Variants in CNTN3 observed in about 807,000 individuals in gnomAD.
CNTN3 encodes contactin-3.
CNTN3 carries 60 observed loss-of-function variants against 119.1 expected under a neutral mutation model. The ratio of observed to expected loss-of-function variants is 0.50; its 90% CI spans 0.41 to 0.62. The LOEUF (loss-of-function observed/expected upper bound fraction) is 0.62, where lower values mean the gene tolerates loss of function less well. CNTN3 is among the 20% of genes least tolerant of loss of function. The pLI is 0.00. For missense variants in CNTN3, 1,101 were observed against 1,242.4 expected (o/e 0.89, Z 1.71); for synonymous variants, 450 against 438.7 (o/e 1.03, Z -0.32).
At chr3:74,330,085 G>A (rs908800703) in intron 13 of CNTN3, among the ~76,000 whole-genome samples, 1 of 152,172 alleles carries the variant, frequency 6.6e-6, no homozygotes, top group Non-Finnish European at 1.5e-5. Flanking sequence ...CCTGGGCCTA[G>A]TGCCTCATGC....
chr3:74,315,204 A>ACC (rs1412884230), intron 13 of CNTN3, among the ~76,000 whole-genome samples: 2 of 152,182 alleles, frequency 1.3e-5, no homozygotes, highest in Non-Finnish European at 2.9e-5. Context: ...AGGAAGAGGA[A>ACC]CCCTAAGTTC....
At chr3:74,421,450 T>C (rs1701615258) in intron 5 of CNTN3, among the ~76,000 whole-genome samples, 1 of 152,214 alleles carries the variant, frequency 6.6e-6, no homozygotes, top group African/African-American at 2.4e-5. Flanking sequence ...ATTACAGGCA[T>C]GAGCCATTGT....
intron 1 of CNTN3, among the ~76,000 whole-genome samples, chr3:74,548,556 C>T (rs973626010): frequency 2.6e-5 from 4 of 151,720 alleles, no homozygotes; most frequent in African/African-American, 9.7e-5. Flanking sequence ...TAATACATTG[C>T]TAAATTTTAA....
intron 11 of CNTN3, among the ~76,000 whole-genome samples, chr3:74,338,400 AT>A (rs869115654): frequency 3.3e-5 from 5 of 152,048 alleles, no homozygotes; most frequent in African/African-American, 9.7e-5. Flanking sequence ...ATGTGTGTAT[AT>A]ATATACATAT....
At chr3:74,341,591 T>C (rs898489683) in intron 11 of CNTN3, among the ~76,000 whole-genome samples, 3 of 152,148 alleles carry the variant, frequency 2.0e-5, no homozygotes, top group Non-Finnish European at 4.4e-5. Flanking sequence ...AGGTTAATTA[T>C]TTCACTTAAC....
chr3:74,395,382 C>T (rs1419959056), intron 5 of CNTN3, among the ~76,000 whole-genome samples: 4 of 150,620 alleles, frequency 2.7e-5, no homozygotes, highest in Middle Eastern at 3.4e-3. Flanking sequence ...CACACATACA[C>T]ACACACACAC....
At chr3:74,385,972 A>G (rs1704736068) in intron 5 of CNTN3, among the ~76,000 whole-genome samples, 1 of 152,206 alleles carries the variant, frequency 6.6e-6, no homozygotes, top group South Asian at 2.1e-4. Flanking sequence ...GATCTTGGCA[A>G]CTTGCACATA....
chr3:74,529,675 GA>G (rs962428588), intron 1 of CNTN3, among the ~76,000 whole-genome samples: 24 of 147,092 alleles, frequency 1.6e-4, no homozygotes, highest in East Asian at 8.0e-4. Context: ...ATTTTTAAAA[GA>G]AAAAAAAACA....
At chr3:74,567,665 C>A (rs149171040) in intron 1 of CNTN3, among the ~76,000 whole-genome samples, 4,448 of 152,122 alleles carry the variant, frequency 0.029, 91 homozygotes, top group Non-Finnish European at 0.042. Context: ...CTTGAGAAGA[C>A]AAAGAGTGGA....
intron 13 of CNTN3, among the ~76,000 whole-genome samples, chr3:74,315,834 G>A (rs574583013): frequency 6.6e-6 from 1 of 152,144 alleles, no homozygotes; most frequent in African/African-American, 2.4e-5. Context: ...AGACTTAAAT[G>A]TAAGACATGA....
At chr3:74,597,032 T>C (rs1306673932) in intron 1 of CNTN3, among the ~76,000 whole-genome samples, 1 of 152,028 alleles carries the variant, frequency 6.6e-6, no homozygotes, top group East Asian at 1.9e-4. Flanking sequence ...AGTAGGCAAT[T>C]TAAACACTCC....
chr3:74,346,010 T>A (rs1468942671), intron 11 of CNTN3, among the ~76,000 whole-genome samples: 4 of 152,228 alleles, frequency 2.6e-5, no homozygotes. Flanking sequence ...ACTGGCATAT[T>A]TTTTCTCCTC....
At chr3:74,538,163 A>T (rs1411409147) in intron 1 of CNTN3, among the ~76,000 whole-genome samples, 1 of 152,108 alleles carries the variant, frequency 6.6e-6, no homozygotes, top group Non-Finnish European at 1.5e-5. Flanking sequence ...ATCTGAGCTG[A>T]TGAGTTGCAT....
chr3:74,412,062 G>T (rs1701446865), intron 5 of CNTN3, among the ~76,000 whole-genome samples: 1 of 152,142 alleles, frequency 6.6e-6, no homozygotes, highest in South Asian at 2.1e-4. Context: ...ATAGAATTAG[G>T]TATAGTTCTG....
rs1702416232 is a variant in CNTN3 at position 74,299,789 on chromosome 3, T to G, written c.2166+79A>C. 2.6e-6 allele frequency: 3 copies of G among 1,160,268 alleles called. No homozygotes were observed. In the Admixed American group the frequency reaches 6.0e-5, roughly 23 times the overall value. The allele number at this position is 1,160,268 out of a possible 1,614,324, so 71.9% of individuals were successfully genotyped here. On this transcript the variant is annotated intron_variant, in intron 17 of 22. Coordinates refer to ENST00000263665, the MANE Select transcript of CNTN3 (RefSeq NM_020872.3). ...GCACTACCACCACCACCTGCACCAT[T>G]GGCACCACCACCTGGGAAGCCATAA... is the stretch of plus-strand genomic sequence containing the variant.
chr3:74,346,791 A>G (rs1466705685), intron 11 of CNTN3, among the ~76,000 whole-genome samples: 1 of 150,880 alleles, frequency 6.6e-6, no homozygotes, highest in Non-Finnish European at 1.5e-5. Context: ...CCATCCATCC[A>G]TGCATCCACT....
chr3:74,301,642 T>C lies in CNTN3; in HGVS notation c.1945+5A>G. The C allele has an allele frequency of 6.2e-7, 1 of 1,613,938 alleles. No individual in the cohort carries two copies. Among genetic ancestry groups the C allele is most frequent in the Non-Finnish European group, 8.5e-7 (1 of 1,179,902 alleles). ...TGCAGATGACATCTGCCTCTCCTGC[T>C]TTACCTGTTGTGACGGTTTGCCAAC... is the stretch of plus-strand genomic sequence containing the variant. On this transcript the variant is annotated splice_donor_5th_base_variant and intron_variant, in intron 15 of 22. Coordinates refer to ENST00000263665, the MANE Select transcript of CNTN3 (RefSeq NM_020872.3).
chr3:74,444,869 A>C (rs573253330), intron 4 of CNTN3, among the ~76,000 whole-genome samples: 1 of 152,204 alleles, frequency 6.6e-6, no homozygotes, highest in Non-Finnish European at 1.5e-5. Flanking sequence ...TCCACAAATG[A>C]ATAAGATTAG....
intron 4 of CNTN3, among the ~76,000 whole-genome samples, chr3:74,479,852 T>G (rs1390078356): frequency 6.6e-6 from 1 of 152,074 alleles, no homozygotes; most frequent in Non-Finnish European, 1.5e-5. Flanking sequence ...ACAGAATATC[T>G]GATTACATCT....
Sources: allele counts gnomAD v4.1 joint callset (sites outside exome capture counted in the v4.1 genomes callset), GRCh38; gene constraint gnomAD v4.1.1; transcripts MANE v1.5; gene names NCBI Gene and HGNC (gene_info 2026-07-23, HGNC 2026-07-21).